Variants in KCNN2 observed in about 807,000 individuals in gnomAD.
The protein encoded by KCNN2 is potassium calcium-activated channel subfamily N member 2, also known as small conductance calcium-activated potassium channel protein 2.
In KCNN2, 24 loss-of-function variants were observed where a neutral mutation model predicts 55.5. The observed-to-expected ratio is 0.43, with a 90% CI of 0.31 to 0.61. The LOEUF (loss-of-function observed/expected upper bound fraction) is 0.61. Among genes scored for constraint, KCNN2 ranks in the 20% least tolerant of loss-of-function variants. KCNN2 has a pLI of 0.08. For missense variants in KCNN2, 754 were observed against 853.6 expected, an observed-to-expected ratio of 0.88 and a Z score of 1.45; for synonymous variants, 431 against 336.1, an observed-to-expected ratio of 1.28 and a Z score of -3.09.
chr5:114,363,485 G>A (rs1243348732), intron 1 of KCNN2, among the ~76,000 whole-genome samples: 1 of 152,232 alleles, frequency 6.6e-6, no homozygotes, highest in Non-Finnish European at 1.5e-5. Flanking sequence ...AGTTAAGAGT[G>A]CTCAGCGCAT....
chr5:114,481,160 A>G (rs1318403532), intron 5 of KCNN2, among the ~76,000 whole-genome samples: 1 of 152,224 alleles, frequency 6.6e-6, no homozygotes, highest in Non-Finnish European at 1.5e-5. Flanking sequence ...GCCTCAGGAT[A>G]CAAAATCAGT....
intron 1 of KCNN2, among the ~76,000 whole-genome samples, chr5:114,212,913 C>T (rs144206726): frequency 4.9e-4 from 74 of 151,950 alleles, no homozygotes; most frequent in African/African-American, 1.6e-3. Flanking sequence ...TAGTAGCATG[C>T]GTAAAGCTAT....
intron 1 of KCNN2, among the ~76,000 whole-genome samples, chr5:114,150,604 T>C (rs1752501564): frequency 1.3e-5 from 2 of 152,142 alleles, no homozygotes; most frequent in African/African-American, 4.8e-5. Flanking sequence ...TCTGGCCAAT[T>C]TAATATGAGG....
chr5:114,413,909 C>T (rs1233463468), intron 3 of KCNN2, among the ~76,000 whole-genome samples: 2 of 152,162 alleles, frequency 1.3e-5, no homozygotes, highest in East Asian at 3.9e-4. Flanking sequence ...TGCATGTGTG[C>T]ACTCCTGGGT....
chr5:114,320,335 C>T (rs558965395), intron 2 of KCNN2, among the ~76,000 whole-genome samples: 142 of 152,112 alleles, frequency 9.3e-4, no homozygotes, highest in South Asian at 3.7e-3. Context: ...TCATCCAGGC[C>T]GGGTGCTGTG....
chr5:114,166,211 A>G (rs1034561852), intron 1 of KCNN2, among the ~76,000 whole-genome samples: 1 of 151,962 alleles, frequency 6.6e-6, no homozygotes, highest in African/African-American at 2.4e-5. Flanking sequence ...TAATACTCCA[A>G]ATTCTCTTTC....
intron 4 of KCNN2, among the ~76,000 whole-genome samples, chr5:114,466,541 T>C (rs1049798828): frequency 1.1e-4 from 17 of 152,078 alleles, no homozygotes; most frequent in Admixed American, 6.6e-5. Context: ...TGAATATATA[T>C]GATTGTTTCA....
At chr5:114,456,835 G>T (rs186996111) in intron 3 of KCNN2, among the ~76,000 whole-genome samples, 1 of 152,256 alleles carries the variant, frequency 6.6e-6, no homozygotes, top group Admixed American at 6.5e-5. Context: ...TAGAAGTAGA[G>T]CCTGAATAAG....
intron 1 of KCNN2, among the ~76,000 whole-genome samples, chr5:114,193,134 A>G (rs1391628857): frequency 6.6e-6 from 1 of 152,086 alleles, no homozygotes; most frequent in African/African-American, 2.4e-5. Context: ...TCTTGTCTTT[A>G]TCTAGCGACC....
At chr5:114,308,170 C>G (rs1225873641) in intron 2 of KCNN2, among the ~76,000 whole-genome samples, 1 of 152,156 alleles carries the variant, frequency 6.6e-6, no homozygotes, top group African/African-American at 2.4e-5. Flanking sequence ...CCACCACATG[C>G]TGGGGATTAC....
chr5:114,184,773 C>T (rs1170981929), intron 1 of KCNN2, among the ~76,000 whole-genome samples: 1 of 152,218 alleles, frequency 6.6e-6, no homozygotes, highest in Admixed American at 6.5e-5. Flanking sequence ...AGTTAATTGC[C>T]CCCTTTCGCT....
At chr5:114,446,070 A>G (rs1469311450) in intron 3 of KCNN2, among the ~76,000 whole-genome samples, 2 of 152,216 alleles carry the variant, frequency 1.3e-5, no homozygotes, top group African/African-American at 2.4e-5. Context: ...CCCTGGCCCC[A>G]GTACTTGGTA....
chr5:114,174,171 A>C (rs867766686), intron 1 of KCNN2, among the ~76,000 whole-genome samples: 1 of 152,260 alleles, frequency 6.6e-6, no homozygotes, highest in Middle Eastern at 3.4e-3. Context: ...AAACAAAATG[A>C]ATTTAGAAAA....
chr5:114,119,845 T>C (rs1751790399), intron 1 of KCNN2, among the ~76,000 whole-genome samples: 1 of 152,170 alleles, frequency 6.6e-6, no homozygotes, highest in African/African-American at 2.4e-5. Context: ...GTGGCTATGC[T>C]GATCGAGAAA....
chr5:114,460,679 T>C (rs1370456434), intron 3 of KCNN2, among the ~76,000 whole-genome samples: 1 of 152,190 alleles, frequency 6.6e-6, no homozygotes, highest in Non-Finnish European at 1.5e-5. Context: ...TTTGCTGATA[T>C]AGAGACAGTC....
intron 3 of KCNN2, among the ~76,000 whole-genome samples, chr5:114,413,914 C>T (rs1011805826): frequency 6.6e-6 from 1 of 152,158 alleles, no homozygotes; most frequent in Non-Finnish European, 1.5e-5. Flanking sequence ...GTGTGCACTC[C>T]TGGGTAGCAT....
At chr5:114,171,222 T>C (rs554988346) in intron 1 of KCNN2, among the ~76,000 whole-genome samples, 1 of 152,028 alleles carries the variant, frequency 6.6e-6, no homozygotes, top group Non-Finnish European at 1.5e-5. Context: ...CTAGTAGCTT[T>C]GTCTTCAACT....
intron 3 of KCNN2, among the ~76,000 whole-genome samples, chr5:114,434,672 G>A (rs1006492867): frequency 1.3e-5 from 2 of 152,174 alleles, no homozygotes; most frequent in East Asian, 3.9e-4. Context: ...GTAGTCCGGT[G>A]ATTAGTTCTC....
At chr5:114,199,716 C>G (rs1561519819) in intron 1 of KCNN2, among the ~76,000 whole-genome samples, 1 of 151,956 alleles carries the variant, frequency 6.6e-6, no homozygotes, top group East Asian at 1.9e-4. Flanking sequence ...GACAAAATCC[C>G]CCAGCATTTT....
Sources: gnomAD v4.1 joint callset for allele counts (sites outside exome capture counted in the v4.1 genomes callset) on GRCh38, gnomAD v4.1.1 for gene constraint, MANE v1.5 for transcripts, NCBI Gene and HGNC (gene_info 2026-07-23, HGNC 2026-07-21) for gene names.